Variants in STK32A observed in about 807,000 individuals in gnomAD.
The protein encoded by STK32A is serine/threonine-protein kinase 32A.
STK32A carries 41 observed loss-of-function variants against 53.2 expected under a neutral mutation model. The observed-to-expected ratio is 0.77, with a 90% CI of 0.60 to 1.00. The LOEUF is 1.00. Among genes scored for constraint, STK32A ranks in the 50% least tolerant of loss-of-function variants. The pLI, the probability that STK32A is intolerant of heterozygous loss-of-function variation, is 0.00. For missense variants in STK32A, 458 were observed against 485.8 expected (o/e 0.94, Z 0.54); for synonymous variants, 166 against 162.8 (o/e 1.02, Z -0.15).
At chr5:147,369,205 T>C (rs1030667142) in intron 8 of STK32A, among the ~76,000 whole-genome samples, 1 of 152,156 alleles carries the variant, frequency 6.6e-6, no homozygotes, top group Non-Finnish European at 1.5e-5. Context: ...ATATGGCAGT[T>C]GTTTTTAGAT....
chr5:147,270,353 C>T (rs1215995924), intron 2 of STK32A, among the ~76,000 whole-genome samples: 4 of 151,758 alleles, frequency 2.6e-5, no homozygotes, highest in Middle Eastern at 3.2e-3. Context: ...GATGGGACCA[C>T]AGGCATGCAT....
chr5:147,288,298 A>C (rs1489635619), intron 4 of STK32A, among the ~76,000 whole-genome samples: 1 of 152,216 alleles, frequency 6.6e-6, no homozygotes, highest in Non-Finnish European at 1.5e-5. Flanking sequence ...AAAAATCTTC[A>C]CAAATCTGTA....
At chr5:147,355,660 A>G (rs753949972) in intron 7 of STK32A, among the ~76,000 whole-genome samples, 23 of 152,140 alleles carry the variant, frequency 1.5e-4, no homozygotes, top group Non-Finnish European at 2.9e-4. Flanking sequence ...GCTGGGCGAC[A>G]GAGCGAGATT....
intron 7 of STK32A, among the ~76,000 whole-genome samples, chr5:147,352,878 C>T (rs895207924): frequency 2.6e-5 from 4 of 152,216 alleles, no homozygotes; most frequent in African/African-American, 4.8e-5. Flanking sequence ...GGCTGTGATC[C>T]ACCTTCACAT....
chr5:147,344,399 A>G (rs1052130525), intron 6 of STK32A, among the ~76,000 whole-genome samples: 1 of 152,108 alleles, frequency 6.6e-6, no homozygotes, highest in Non-Finnish European at 1.5e-5. Context: ...ACTGCTTCTG[A>G]CATTTGAAAA....
At chr5:147,239,380 T>A (rs1385220730) in intron 1 of STK32A, among the ~76,000 whole-genome samples, 159 bp from the exon 2 acceptor site, 1 of 152,238 alleles carries the variant, frequency 6.6e-6, no homozygotes, top group Non-Finnish European at 1.5e-5. Context: ...TGTTTTCTCC[T>A]GTTGCTTGAT....
At chr5:147,299,843 A>G (rs368971370) in intron 4 of STK32A, among the ~76,000 whole-genome samples, 1 of 152,196 alleles carries the variant, frequency 6.6e-6, no homozygotes, top group African/African-American at 2.4e-5. Context: ...TTGTATCACA[A>G]ATTCCAGGAT....
intron 6 of STK32A, among the ~76,000 whole-genome samples, chr5:147,349,226 A>G (rs897132187): frequency 2.6e-5 from 4 of 152,240 alleles, no homozygotes; most frequent in African/African-American, 9.6e-5. Context: ...TTACTGAAAT[A>G]TCATGACATA....
chr5:147,337,878 T>C (rs944804059), intron 5 of STK32A, among the ~76,000 whole-genome samples: 22 of 152,154 alleles, frequency 1.4e-4, no homozygotes, highest in African/African-American at 5.1e-4. Flanking sequence ...ATTGAATAAA[T>C]GCTAGTCAGG....
intron 6 of STK32A, among the ~76,000 whole-genome samples, chr5:147,348,060 A>G (rs544712654): frequency 1.4e-4 from 21 of 152,326 alleles, no homozygotes; most frequent in African/African-American, 4.6e-4. Flanking sequence ...ACAGCACACA[A>G]AGTTTTTGGT....
chr5:147,340,359 C>T (rs529150464), intron 5 of STK32A, among the ~76,000 whole-genome samples: 3 of 152,250 alleles, frequency 2.0e-5, no homozygotes, highest in African/African-American at 7.2e-5. Context: ...TGAAGCATAT[C>T]CAGGTTTATT....
intron 4 of STK32A, among the ~76,000 whole-genome samples, chr5:147,285,546 G>A (rs1561693669): frequency 6.6e-6 from 1 of 152,064 alleles, no homozygotes. Context: ...CTATACATCT[G>A]ACAAAGGATG....
intron 5 of STK32A, among the ~76,000 whole-genome samples, chr5:147,330,482 G>C (rs1338317826): frequency 6.6e-6 from 1 of 152,134 alleles, no homozygotes; most frequent in Admixed American, 6.6e-5. Flanking sequence ...ATTATGCAAG[G>C]GTGTGAACAC....
At chr5:147,398,593 C>T in the STK32A span, among the ~76,000 whole-genome samples, 3 of 152,206 alleles carry the variant, frequency 2.0e-5, no homozygotes, top group Admixed American at 2.0e-4. Context: ...AATTATCATC[C>T]TCCATGTGAA....
rs539986479 is a variant in STK32A, at chr5:147,331,092, C to T, written c.434+7021C>T. On this transcript the variant is annotated intron_variant, in intron 5 of 12. Transcript: ENST00000397936. ...ATGATCATTGAGTGACAGGTGAGCTCCTAATAAATAAATTTGCCAACACAG... is the reference window on the plus strand; with the variant it reads ...ATGATCATTGAGTGACAGGTGAGCTTCTAATAAATAAATTTGCCAACACAG... 1.1e-3 allele frequency among the ~76,000 whole-genome samples: 166 copies of T among 152,198 alleles called. 1 individual carries two copies. Among genetic ancestry groups the T allele is most frequent in the Non-Finnish European group, 1.3e-3 (89 of 68,006 alleles).
rs577665829 is a variant in STK32A at position 147,239,573 on chromosome 5, G to A, written c.-62G>A. The A allele has an allele frequency of 2.3e-5, 31 of 1,321,822 alleles. No homozygotes were observed. In the South Asian group the frequency reaches 2.5e-4, roughly 11 times the overall value. 81.9% of individuals were successfully genotyped at this position (1,321,822 alleles called of 1,614,324 possible). A position where few individuals can be genotyped will look rare whatever the true frequency, so the allele number is the denominator to read the frequency against. On this transcript the variant is annotated 5_prime_UTR_variant, in exon 2 of 13. Coordinates refer to ENST00000397936, the MANE Select transcript of STK32A (RefSeq NM_001112724.2). ...TAAGGCTTCGGGACATGTTTTGAGC[G>A]AAGATGGGTGTTTCTGCCCGGATAG... is the stretch of plus-strand genomic sequence containing the variant.
At chr5:147,358,415 A>G (rs1473572763) in intron 7 of STK32A, among the ~76,000 whole-genome samples, 2 of 152,164 alleles carry the variant, frequency 1.3e-5, no homozygotes, top group African/African-American at 4.8e-5. Flanking sequence ...CTTATCACCA[A>G]CAGTTCCCCT....
intron 2 of STK32A, among the ~76,000 whole-genome samples, chr5:147,253,238 A>G (rs1174353854): frequency 6.6e-6 from 1 of 152,132 alleles, no homozygotes; most frequent in Non-Finnish European, 1.5e-5. Context: ...GAAGAGATGA[A>G]TATTTCTTTT....
At chr5:147,310,331 T>C (rs952039184) in intron 4 of STK32A, among the ~76,000 whole-genome samples, 1 of 152,202 alleles carries the variant, frequency 6.6e-6, no homozygotes. Flanking sequence ...CACTTGGTAG[T>C]AATTCTAGTT....
Sources: allele counts gnomAD v4.1 joint callset (sites outside exome capture counted in the v4.1 genomes callset), GRCh38; gene constraint gnomAD v4.1.1; transcripts MANE v1.5; gene names NCBI Gene and HGNC (gene_info 2026-07-23, HGNC 2026-07-21).